SNRK: variants seen among roughly 807,000 people sequenced by gnomAD.
SNRK encodes the protein SNF-related serine/threonine-protein kinase.
A neutral mutation model predicts 48.2 loss-of-function variants in SNRK; 3 were observed. The ratio of observed to expected loss-of-function variants is 0.06; its 90% CI spans 0.03 to 0.16. The LOEUF (loss-of-function observed/expected upper bound fraction) is 0.16. Among genes scored for constraint, SNRK ranks in the 10% least tolerant of loss-of-function variants. The pLI, the probability that SNRK is intolerant of heterozygous loss-of-function variation, is 1.00. For missense variants in SNRK, 627 were observed against 976.0 expected (o/e 0.64, Z 4.76); for synonymous variants, 376 against 366.1 (o/e 1.03, Z -0.31).
At chr3:43,342,763 A>G (rs1468446555) in intron 5 of SNRK, among the ~76,000 whole-genome samples, 1 of 152,230 alleles carries the variant, frequency 6.6e-6, no homozygotes, top group East Asian at 1.9e-4. Context: ...CTCGGTGAAC[A>G]TTACTTTTTA....
intron 1 of SNRK, among the ~76,000 whole-genome samples, chr3:43,287,450 G>A (rs941565302): frequency 2.6e-5 from 4 of 152,190 alleles, no homozygotes; most frequent in African/African-American, 9.7e-5. Flanking sequence ...ATACAGTCCA[G>A]TAGTTTCATA....
At position 43,303,321 on chromosome 3, in the gene SNRK, G is replaced by C; in HGVS notation, c.118G>C (p.Glu40Gln). ...ACTTGCCAGGCATGTCTTTACGGGT[G>C]AAAAGGTGGCAGTAAAAGTTATTGA... is the stretch of plus-strand genomic sequence containing the variant. Reference protein sequence around the residue: ...VKLARHVFTGEKVAVKVIDKT... With the variant: ...VKLARHVFTGQKVAVKVIDKT... The change falls in exon 3 of 7, where the codon GAA becomes CAA. Residue 40 changes from glutamate (E) to glutamine (Q), a missense_variant. Glu to Gln is a conservative substitution (Grantham distance 29, BLOSUM62 2). Transcript: ENST00000296088. This position sits in a 1 kb window ranked among gnomAD's most constrained non-coding sequence, Gnocchi z 6.2. 1 of 1,614,164 alleles carries C rather than the reference G, an allele frequency of 6.2e-7. No homozygotes were observed. Among genetic ancestry groups the C allele is most frequent in the Non-Finnish European group, 8.5e-7 (1 of 1,180,026 alleles).
At chr3:43,345,538 G>C (rs1256635703) in intron 6 of SNRK, among the ~76,000 whole-genome samples, 2 of 152,170 alleles carry the variant, frequency 1.3e-5, no homozygotes, top group Non-Finnish European at 2.9e-5. Flanking sequence ...CAGTCTCCTA[G>C]CCGGGCTGGG....
chr3:43,341,756 T>C (rs1398250670), intron 5 of SNRK, among the ~76,000 whole-genome samples: 2 of 152,212 alleles, frequency 1.3e-5, no homozygotes, highest in East Asian at 3.8e-4. Context: ...ACCCCTGCTG[T>C]GTGTCTTCGT....
intron 3 of SNRK, among the ~76,000 whole-genome samples, chr3:43,326,346 T>A: frequency 6.6e-6 from 1 of 152,038 alleles, no homozygotes; most frequent in East Asian, 1.9e-4. Flanking sequence ...CTGCTTTAGC[T>A]GTCTTTTGAG....
chr3:43,318,289 T>G (rs2091027912), intron 3 of SNRK, among the ~76,000 whole-genome samples: 1 of 152,204 alleles, frequency 6.6e-6, no homozygotes, highest in Non-Finnish European at 1.5e-5. Context: ...AATGTTATGT[T>G]ATTTGTATTT....
intron 1 of SNRK, among the ~76,000 whole-genome samples, chr3:43,290,137 A>G (rs1417230855): frequency 6.6e-6 from 1 of 152,228 alleles, no homozygotes; most frequent in Non-Finnish European, 1.5e-5. Context: ...TCTTAAACCC[A>G]TAATACTGTC....
intron 3 of SNRK, among the ~76,000 whole-genome samples, chr3:43,310,250 ATTAT>A (rs1270111282): frequency 1.3e-5 from 2 of 151,804 alleles, no homozygotes; most frequent in African/African-American, 4.8e-5. Context: ...CATTTGCCTT[ATTAT>A]TTATTACCTT....
At position 43,309,905 on chromosome 3, in the gene SNRK, G is replaced by C. The variant is rs532007939; in HGVS notation, c.589+6113G>C. Among the ~76,000 whole-genome samples the C allele has an allele frequency of 3.6e-4, 55 of 152,160 alleles. 1 individual carries two copies. The highest frequency in any genetic ancestry group is 1.3e-3 in the African/African-American group (52 of 41,500). On this transcript the variant is annotated intron_variant, in intron 3 of 6. Transcript: ENST00000296088. The stretch of plus-strand genomic sequence containing the variant: ...CCGTGACACAGCCCCGGGAGATTCT[G>C]AGAAAATGTGCCCCTCGTAAAGTAT...
In SNRK at chr3:43,286,558, C is replaced by G. The variant is rs1364944632; in HGVS notation, c.-286C>G. On this transcript the variant is annotated 5_prime_UTR_variant, in exon 1 of 7. Coordinates refer to ENST00000296088, the MANE Select transcript of SNRK (RefSeq NM_017719.5). The stretch of plus-strand genomic sequence containing the variant: ...CAGGCGCAGCTACCCGGCACCCCCT[C>G]CCCGCGGCCGGCAGCCCGCTCGGTA... The G allele has an allele frequency of 6.6e-6, 1 of 151,140 alleles. No homozygotes were observed. Among genetic ancestry groups the G allele is most frequent in the African/African-American group, 2.4e-5 (1 of 41,420 alleles). 9.4% of individuals were successfully genotyped at this position (151,140 alleles called of 1,614,324 possible). A position where few individuals can be genotyped will look rare whatever the true frequency, so the allele number is the denominator to read the frequency against.
At chr3:43,316,561 TTTTTAACTTC>T (rs1450779023) in intron 3 of SNRK, among the ~76,000 whole-genome samples, 1 of 152,214 alleles carries the variant, frequency 6.6e-6, no homozygotes, top group Non-Finnish European at 1.5e-5. Context: ...TTAAAAATTG[TTTTTAACTTC>T]TTTAAAGAGT....
intron 3 of SNRK, among the ~76,000 whole-genome samples, chr3:43,317,477 A>G (rs1575544617): frequency 6.6e-6 from 1 of 152,166 alleles, no homozygotes; most frequent in South Asian, 2.1e-4. Context: ...TCTTTGTACA[A>G]TTCAAGTTGG....
At chr3:43,345,506 T>C (rs1431949013) in intron 6 of SNRK, among the ~76,000 whole-genome samples, 1 of 151,840 alleles carries the variant, frequency 6.6e-6, no homozygotes, top group African/African-American at 2.4e-5. Flanking sequence ...TTGAGATGAG[T>C]GGTTAACAGG....
At chr3:43,290,122 ATC>A (rs371700661) in intron 1 of SNRK, among the ~76,000 whole-genome samples, 1 of 152,210 alleles carries the variant, frequency 6.6e-6, no homozygotes, top group African/African-American at 2.4e-5. Flanking sequence ...ACCTGCAGTT[ATC>A]TCTCTTAAAC....
chr3:43,339,237 A>G (rs771548829), intron 4 of SNRK, among the ~76,000 whole-genome samples: 22 of 152,206 alleles, frequency 1.4e-4, no homozygotes, highest in Admixed American at 2.6e-4. Flanking sequence ...ACCAGCTTGT[A>G]GTTAGAAGAT....
intron 2 of SNRK, among the ~76,000 whole-genome samples, chr3:43,301,414 T>TGTGTGTG (rs2090896836): frequency 6.6e-6 from 1 of 152,160 alleles, no homozygotes; most frequent in Admixed American, 6.6e-5. Flanking sequence ...ATCCTAGGTT[T>TGTGTGTG]TGTAGTTAAT....
chr3:43,293,495 T>C (rs1199310133), intron 1 of SNRK, among the ~76,000 whole-genome samples: 2 of 152,172 alleles, frequency 1.3e-5, no homozygotes, highest in South Asian at 2.1e-4. Context: ...GCAGCACATA[T>C]GCACTGTCAA....
chr3:43,304,811 C>T (rs1335228607), intron 3 of SNRK, among the ~76,000 whole-genome samples: 1 of 151,958 alleles, frequency 6.6e-6, no homozygotes, highest in African/African-American at 2.4e-5. Context: ...CTCTGTACAC[C>T]AAGACACTGA....
In SNRK at chr3:43,347,637, T is replaced by C. The variant is rs368288263; in HGVS notation, c.1378T>C (p.Ser460Pro). The change falls in exon 7 of 7, where the codon TCC becomes CCC. Residue 460 changes from serine (S) to proline (P), a missense_variant. Ser to Pro is a moderately conservative substitution (Grantham distance 74). Transcript: ENST00000296088. This position sits in a 1 kb window ranked among gnomAD's most constrained non-coding sequence, Gnocchi z 5.4. ...AGATGAGGAGGACAAGAAACCCATG[T>C]CCCTCTCAACACAAGTGGTTTTGCG... Reference protein sequence around the residue: ...EEDEEDKKPMSLSTQVVLRRK... With the variant: ...EEDEEDKKPMPLSTQVVLRRK... 9.3e-6 allele frequency: 15 copies of C among 1,613,628 alleles called. No individual in the cohort carries two copies. Among genetic ancestry groups the C allele is most frequent in the Non-Finnish European group, 1.3e-5 (15 of 1,180,024 alleles).
Sources: allele counts gnomAD v4.1 joint callset (sites outside exome capture counted in the v4.1 genomes callset), GRCh38; gene constraint gnomAD v4.1.1; non-coding constraint Gnocchi (gnomAD v3.1); transcripts MANE v1.5; gene names NCBI Gene and HGNC (gene_info 2026-07-23, HGNC 2026-07-21).